Variants in SERINC5 observed in about 807,000 individuals in gnomAD.
The protein encoded by SERINC5 is serine incorporator 5.
SERINC5 carries 41 observed loss-of-function variants against 63.1 expected under a neutral mutation model. The ratio of observed to expected loss-of-function variants is 0.65; its 90% CI spans 0.51 to 0.84. The LOEUF (loss-of-function observed/expected upper bound fraction) is 0.84. SERINC5 is among the 40% of genes least tolerant of loss of function. The pLI, the probability that SERINC5 is intolerant of heterozygous loss-of-function variation, is 0.00. For missense variants in SERINC5, 523 were observed against 573.0 expected (o/e 0.91, Z 0.89); for synonymous variants, 222 against 215.2 (o/e 1.03, Z -0.28).
chr5:80,141,022 T>C lies in SERINC5; in HGVS notation c.*2641A>G. The C allele has an allele frequency of 1.0e-6, 1 of 985,370 alleles. No homozygotes were observed. Among genetic ancestry groups the C allele is most frequent in the Non-Finnish European group, 1.2e-6 (1 of 829,896 alleles). The allele number at this position is 985,370 out of a possible 1,614,324, so 61.0% of individuals were successfully genotyped here. A position where few individuals can be genotyped will look rare whatever the true frequency, so the allele number is the denominator to read the frequency against. On this transcript the variant is annotated 3_prime_UTR_variant, in exon 12 of 12. Coordinates refer to ENST00000507668, the MANE Select transcript of SERINC5 (RefSeq NM_001174072.3). ...GGCACAATGTTTCCAGTTTCTCAAA[T>C]CACAATTGCACAAAACTGTAGATTC...
intron 12 of SERINC5, among the ~76,000 whole-genome samples, chr5:80,112,630 G>T (rs1215282512): frequency 6.6e-6 from 1 of 152,040 alleles, no homozygotes; most frequent in Non-Finnish European, 1.5e-5. Context: ...ACCCACAGGT[G>T]TGGAGGGGCA....
rs1029476149 is a variant in SERINC5 at position 80,140,416 on chromosome 5, C to T, written c.*3247G>A. The T allele has an allele frequency of 7.2e-5, 71 of 982,634 alleles. No homozygotes were observed. Among genetic ancestry groups the T allele is most frequent in the Non-Finnish European group, 6.6e-5 (55 of 829,366 alleles). 60.9% of individuals were successfully genotyped at this position (982,634 alleles called of 1,614,324 possible). A position where few individuals can be genotyped will look rare whatever the true frequency, so the allele number is the denominator to read the frequency against. ...CATAATAAAGGATCTTCTGAGGAAT[C>T]GGAAATAAACAATGTTGTATGGAAA... On this transcript the variant is annotated 3_prime_UTR_variant, in exon 12 of 12. Coordinates refer to ENST00000507668, the MANE Select transcript of SERINC5 (RefSeq NM_001174072.3).
chr5:80,163,606 G>GA (rs34024799), intron 7 of SERINC5, among the ~76,000 whole-genome samples: 38,242 of 151,330 alleles, frequency 0.25, 6,043 homozygotes, highest in African/African-American at 0.44. Context: ...TGCATCTATT[G>GA]AAATGATCAT....
chr5:80,158,394 C>T (rs56383422), intron 8 of SERINC5: 10,082 of 172,992 alleles, frequency 0.058, 349 homozygotes, highest in Middle Eastern at 0.088. Context: ...TGTACTCTTT[C>T]CATCAACAGC....
intron 2 of SERINC5, 90 bp from the exon 3 acceptor site, chr5:80,178,154 C>T: frequency 1.4e-6 from 1 of 710,176 alleles, no homozygotes; most frequent in Non-Finnish European, 2.3e-6. Context: ...ACAACATCCA[C>T]TGTGGAAATG....
rs149626327 is a variant in SERINC5 at position 80,138,929 on chromosome 5, C to T, written c.*4734G>A. The T allele has an allele frequency of 1.8e-3, 1,750 of 972,934 alleles. 2 individuals carry two copies. The highest frequency in any genetic ancestry group is 6.9e-3 in the Middle Eastern group (13 of 1,884). 60.3% of individuals were successfully genotyped at this position (972,934 alleles called of 1,614,324 possible). ...AAATTTTATTAAAGTACAGAGTTAACAAGTTTTGAGTTTTTTATATAGGAA... is the reference window on the plus strand; with the variant it reads ...AAATTTTATTAAAGTACAGAGTTAATAAGTTTTGAGTTTTTTATATAGGAA... On this transcript the variant is annotated 3_prime_UTR_variant, in exon 12 of 12. Transcript: ENST00000507668.
At chr5:80,211,436 G>A (rs1201762080) in intron 1 of SERINC5, among the ~76,000 whole-genome samples, 1 of 152,108 alleles carries the variant, frequency 6.6e-6, no homozygotes, top group Non-Finnish European at 1.5e-5. Flanking sequence ...TTCTGTACAT[G>A]TCTGACAGGA....
At chr5:80,122,918 A>G (rs1744606436) in intron 11 of SERINC5, among the ~76,000 whole-genome samples, 1 of 152,262 alleles carries the variant, frequency 6.6e-6, no homozygotes, top group Non-Finnish European at 1.5e-5. Context: ...CCTCCAGGTA[A>G]AAGCTCTGCA....
chr5:80,144,033 A>AC, intron 11 of SERINC5: 1 of 514,886 alleles, frequency 1.9e-6, no homozygotes, highest in Non-Finnish European at 3.3e-6. Flanking sequence ...CCCTCAGCCC[A>AC]CCCCCCGCAT....
At chr5:80,172,220 C>A (rs1431001915) in intron 5 of SERINC5, among the ~76,000 whole-genome samples, 1 of 152,104 alleles carries the variant, frequency 6.6e-6, no homozygotes, top group Non-Finnish European at 1.5e-5. Context: ...ATCCCAGCTA[C>A]TTGAGTGGCT....
intron 5 of SERINC5, among the ~76,000 whole-genome samples, chr5:80,174,288 G>A (rs186603496): frequency 1.3e-4 from 20 of 151,548 alleles, no homozygotes; most frequent in African/African-American, 3.9e-4. Context: ...AATCACTGAA[G>A]CCTGGGAAAT....
chr5:80,120,008 T>C (rs1744480697), intron 11 of SERINC5, among the ~76,000 whole-genome samples: 2 of 152,322 alleles, frequency 1.3e-5, no homozygotes, highest in Admixed American at 1.3e-4. Context: ...GTCCACATAA[T>C]AGCTGTGGGA....
chr5:80,223,086 G>C (rs1319574790), intron 1 of SERINC5, among the ~76,000 whole-genome samples: 1 of 152,126 alleles, frequency 6.6e-6, no homozygotes, highest in African/African-American at 2.4e-5. Flanking sequence ...TGAACTCCTG[G>C]ACTCAGGCAA....
chr5:80,113,774 C>T lies in SERINC5; in HGVS notation c.1239-149G>A, dbSNP rs567210840. On this transcript the variant is annotated intron_variant, in intron 11 of 12. Transcript: ENST00000509193. ...GATTCAATTACCTCACCCTGGCCCC[C>T]TCCCACAACATGTGGGAATTCTGGG... 66 of 155,146 alleles carry T rather than the reference C, an allele frequency of 4.3e-4. 1 individual carries two copies. The highest frequency in any genetic ancestry group is 1.5e-3 in the African/African-American group (61 of 40,688). 9.6% of individuals were successfully genotyped at this position (155,146 alleles called of 1,614,324 possible). A position where few individuals can be genotyped will look rare whatever the true frequency, so the allele number is the denominator to read the frequency against.
At chr5:80,228,318 G>A (rs764252672) in intron 1 of SERINC5, among the ~76,000 whole-genome samples, 6 of 147,224 alleles carry the variant, frequency 4.1e-5, no homozygotes, top group Non-Finnish European at 7.5e-5. Flanking sequence ...GGGGAGAGGA[G>A]GAAGGAAGGA....
At chr5:80,180,913 C>T (rs1748376490) in intron 2 of SERINC5, among the ~76,000 whole-genome samples, 1 of 152,114 alleles carries the variant, frequency 6.6e-6, no homozygotes, top group Non-Finnish European at 1.5e-5. Flanking sequence ...AGATTGCAGA[C>T]CTAAAGTTAC....
intron 1 of SERINC5, among the ~76,000 whole-genome samples, chr5:80,206,416 C>G (rs1049411446): frequency 1.3e-5 from 2 of 152,152 alleles, no homozygotes; most frequent in Non-Finnish European, 2.9e-5. Context: ...TTGTTTGAGC[C>G]CTGTGTCATT....
At chr5:80,148,101 C>G (rs1460978624) in intron 9 of SERINC5, among the ~76,000 whole-genome samples, 1 of 151,184 alleles carries the variant, frequency 6.6e-6, no homozygotes, top group East Asian at 2.0e-4. Flanking sequence ...TGTTTCCTAT[C>G]AAAATCAAGC....
Position 80,147,299 on chromosome 5 carries a change from G to A in SERINC5, c.1054-15C>T, listed in dbSNP as rs1392765559. 1.2e-6 allele frequency: 2 copies of A among 1,604,712 alleles called. No individual in the cohort carries two copies. Among genetic ancestry groups the A allele is most frequent in the Non-Finnish European group, 1.7e-6 (2 of 1,175,996 alleles). On this transcript the variant is annotated splice_polypyrimidine_tract_variant and intron_variant, in intron 9 of 11. Coordinates refer to ENST00000507668, the MANE Select transcript of SERINC5 (RefSeq NM_001174072.3). ...CAGCGAGCTATCTGTGAAAGCAAAAGCAACAGTCAGGCGGCTTGTGTTCTA... is the reference window on the plus strand; with the variant it reads ...CAGCGAGCTATCTGTGAAAGCAAAAACAACAGTCAGGCGGCTTGTGTTCTA...
Sources: allele counts gnomAD v4.1 joint callset (sites outside exome capture counted in the v4.1 genomes callset), GRCh38; gene constraint gnomAD v4.1.1; transcripts MANE v1.5; gene names NCBI Gene and HGNC (gene_info 2026-07-23, HGNC 2026-07-21).